Variants in MITF observed in about 807,000 individuals in gnomAD.
MITF encodes microphthalmia-associated transcription factor.
Under a neutral mutation model 60.5 loss-of-function variants are expected in MITF, and 17 were observed. The ratio of observed to expected loss-of-function variants is 0.28; its 90% confidence interval spans 0.19 to 0.42. The LOEUF (loss-of-function observed/expected upper bound fraction) is 0.42, where lower values mean the gene tolerates loss of function less well. MITF is among the 10% of genes least tolerant of loss of function. The probability of loss-of-function intolerance (pLI) is 1.00; values close to 1 mark genes in which losing one functional copy is unlikely to be tolerated. For missense variants in MITF, 622 were observed against 683.5 expected (o/e 0.91, Z 1.00); for synonymous variants, 260 against 248.5 (o/e 1.05, Z -0.43).
intron 1 of MITF, among the ~76,000 whole-genome samples, chr3:69,870,371 C>T (rs1463003037): frequency 5.6e-5 from 8 of 143,444 alleles, no homozygotes; most frequent in South Asian, 4.4e-4. Flanking sequence ...TGTATATATA[C>T]GTGTGTGTGT....
chr3:69,813,055 T>C (rs1181545323), intron 1 of MITF, among the ~76,000 whole-genome samples: 2 of 152,196 alleles, frequency 1.3e-5, no homozygotes, highest in African/African-American at 4.8e-5. Context: ...ACTTACAATG[T>C]ACTATTCCAA....
intron 1 of MITF, among the ~76,000 whole-genome samples, chr3:69,750,923 A>C (rs1259567406): frequency 6.6e-6 from 1 of 152,098 alleles, no homozygotes; most frequent in Admixed American, 6.5e-5. Flanking sequence ...AAATGAATTT[A>C]TTGGTTAAAT....
At chr3:69,940,136 G>C (rs910120366) in intron 4 of MITF, among the ~76,000 whole-genome samples, 2 of 152,188 alleles carry the variant, frequency 1.3e-5, no homozygotes, top group African/African-American at 4.8e-5. Flanking sequence ...CCATAAGACA[G>C]TAAATATTAT....
chr3:69,952,089 A>T (rs1376989547), intron 7 of MITF, among the ~76,000 whole-genome samples: 2 of 152,068 alleles, frequency 1.3e-5, no homozygotes, highest in Non-Finnish European at 2.9e-5. Flanking sequence ...TTGTATATAT[A>T]CTTATTTTCA....
intron 1 of MITF, among the ~76,000 whole-genome samples, chr3:69,776,287 T>C (rs1181289678): frequency 6.6e-6 from 1 of 152,298 alleles, no homozygotes; most frequent in Middle Eastern, 3.4e-3. Flanking sequence ...TGAGATAATA[T>C]ATGAAAAGTG....
chr3:69,965,091 C>T lies in MITF; in HGVS notation c.1424C>T (p.Thr475Ile). Reference sequence around the variant, plus strand: ...GCCAACCAAGCCTATAGTGTCCCCACAAAAATGGGATCCAAACTGGAAGAC... The same window carrying T: ...GCCAACCAAGCCTATAGTGTCCCCATAAAAATGGGATCCAAACTGGAAGAC... ...TEANQAYSVP[T>I]KMGSKLEDIL... is the part of the protein sequence containing the mutation. Residue 475 changes from threonine (T) to isoleucine (I), a missense_variant, in exon 10 of 10, where the codon ACA (threonine) becomes ATA (isoleucine). Coordinates refer to ENST00000352241, the MANE Select transcript of MITF (RefSeq NM_001354604.2). The T allele has an allele frequency of 6.2e-7, 1 of 1,614,124 alleles. No homozygotes were observed. The highest frequency in any genetic ancestry group is 1.1e-5 in the South Asian group (1 of 91,080).
At chr3:69,920,559 G>A (rs2065442957) in intron 2 of MITF, among the ~76,000 whole-genome samples, 7 of 152,152 alleles carry the variant, frequency 4.6e-5, no homozygotes, top group Admixed American at 4.6e-4. Context: ...AATGGCGTAA[G>A]CTGTCTTTCT....
At chr3:69,827,374 A>G (rs1416676166) in intron 1 of MITF, among the ~76,000 whole-genome samples, 1 of 152,208 alleles carries the variant, frequency 6.6e-6, no homozygotes, top group East Asian at 1.9e-4. Context: ...AAACTCACAG[A>G]TTGACAGTAG....
intron 1 of MITF, among the ~76,000 whole-genome samples, chr3:69,791,309 T>TC (rs1434551191): frequency 2.0e-5 from 3 of 152,184 alleles, no homozygotes; most frequent in Non-Finnish European, 4.4e-5. Flanking sequence ...GAAAGAAAAC[T>TC]CCATGATCGC....
At chr3:69,951,773 A>T (rs112521029) in intron 6 of MITF, 39 bp from the exon 7 acceptor site, 1 of 1,540,358 alleles carries the variant, frequency 6.5e-7, no homozygotes, top group Admixed American at 1.7e-5. Context: ...TGCAACTTCA[A>T]ACAGTTCCAA....
intron 1 of MITF, chr3:69,866,202 A>T: frequency 6.3e-7 from 1 of 1,587,636 alleles, no homozygotes. Flanking sequence ...CCTTATCAGG[A>T]GCCACCCCTA....
At chr3:69,813,469 G>C (rs1183480183) in intron 1 of MITF, among the ~76,000 whole-genome samples, 1 of 152,168 alleles carries the variant, frequency 6.6e-6, no homozygotes, top group Non-Finnish European at 1.5e-5. Context: ...TTTTGGTAGA[G>C]TTTACTGCTG....
chr3:69,762,437 C>T (rs1016500721), intron 1 of MITF, among the ~76,000 whole-genome samples: 2 of 152,184 alleles, frequency 1.3e-5, no homozygotes, highest in Admixed American at 1.3e-4. Flanking sequence ...GATTCATTAC[C>T]TTGCATGTGT....
intron 1 of MITF, among the ~76,000 whole-genome samples, chr3:69,876,589 C>T (rs2064359672): frequency 6.6e-6 from 1 of 151,964 alleles, no homozygotes; most frequent in Admixed American, 6.6e-5. Flanking sequence ...AGAATAATGG[C>T]CAAGTGCCCT....
chr3:69,786,277 G>A (rs994461869), intron 1 of MITF, among the ~76,000 whole-genome samples: 50 of 152,300 alleles, frequency 3.3e-4, no homozygotes, highest in African/African-American at 1.1e-3. Flanking sequence ...GCAACTGCCT[G>A]GTGCCTGGTG....
chr3:69,765,466 C>T (rs1442873058), intron 1 of MITF, among the ~76,000 whole-genome samples: 1 of 152,158 alleles, frequency 6.6e-6, no homozygotes, highest in East Asian at 1.9e-4. Context: ...GGATCATTTA[C>T]TTTCTGTGAA....
chr3:69,802,774 C>G (rs571401372), intron 1 of MITF, among the ~76,000 whole-genome samples: 1 of 141,100 alleles, frequency 7.1e-6, no homozygotes, highest in Non-Finnish European at 1.5e-5. Flanking sequence ...TTACTGCAAT[C>G]TCCGCCTCCT....
At chr3:69,930,953 A>G (rs545335869) in intron 2 of MITF, among the ~76,000 whole-genome samples, 1 of 152,382 alleles carries the variant, frequency 6.6e-6, no homozygotes, top group African/African-American at 2.4e-5. Flanking sequence ...AAAATCAAAT[A>G]TCTTCAGTGG....
At chr3:69,901,559 T>A (rs959038470) in intron 2 of MITF, among the ~76,000 whole-genome samples, 7 of 152,028 alleles carry the variant, frequency 4.6e-5, no homozygotes, top group Non-Finnish European at 1.0e-4. Context: ...GTGACTAGAG[T>A]CTGAGCCCAT....
Sources: gnomAD v4.1 joint callset for allele counts (sites outside exome capture counted in the v4.1 genomes callset) on GRCh38, gnomAD v4.1.1 for gene constraint, MANE v1.5 for transcripts, NCBI Gene and HGNC (gene_info 2026-07-23, HGNC 2026-07-21) for gene names.